The following ARHGEF18 variants were observed in gnomAD, a reference collection of about 807,000 sequenced individuals.
ARHGEF18 encodes rho guanine nucleotide exchange factor 18.
In ARHGEF18, 93 loss-of-function variants were observed where a neutral mutation model predicts 155.7. The ratio of observed to expected loss-of-function variants is 0.60; its 90% CI spans 0.50 to 0.71. ARHGEF18 has a LOEUF of 0.71. Among genes scored for constraint, ARHGEF18 ranks in the 30% least tolerant of loss-of-function variants. ARHGEF18 has a pLI of 0.00. For missense variants in ARHGEF18, 1,593 were observed against 1,816.1 expected, an observed-to-expected ratio of 0.88 and a Z score of 2.23; for synonymous variants, 742 against 753.1, an observed-to-expected ratio of 0.99 and a Z score of 0.24.
intron 3 of ARHGEF18, among the ~76,000 whole-genome samples, chr19:7,375,411 AAAAGGAAGGAAG>A (rs1219708923): frequency 7.1e-5 from 7 of 98,510 alleles, no homozygotes; most frequent in East Asian, 4.6e-4. Flanking sequence ...AGGAAGGAAG[AAAAGGAAGGAAG>A]AAAGGAAGGA....
Position 7,404,183 on chromosome 19 carries a change from A to G in ARHGEF18, c.967+20980A>G, listed in dbSNP as rs146519293. Among the ~76,000 whole-genome samples, 523 of 152,208 alleles carry G rather than the reference A, an allele frequency of 3.4e-3. 1 individual carries two copies. The highest frequency in any genetic ancestry group is 0.012 in the African/African-American group (497 of 41,554). On this transcript the variant is annotated intron_variant, in intron 10 of 28. Transcript: ENST00000668164. ...TCTGTAAGAAGAAATGTGAAGGAAT[A>G]GTAAGGAGCACCTTGCCAGAGGCAG...
At chr19:7,355,777 C>T (rs1373487204) in intron 1 of ARHGEF18, 2 of 942,562 alleles carry the variant, frequency 2.1e-6, no homozygotes, top group Non-Finnish European at 2.5e-6. Flanking sequence ...CCGCCATCCC[C>T]CTTCGAGCTT....
intron 10 of ARHGEF18, among the ~76,000 whole-genome samples, chr19:7,427,020 G>T (rs1973705418): frequency 6.6e-6 from 1 of 152,164 alleles, no homozygotes; most frequent in Admixed American, 6.6e-5. Flanking sequence ...GCACTTTGGG[G>T]TTAGAGGTGA....
At position 7,445,658 on chromosome 19, in the gene ARHGEF18, C is replaced by T. The variant is rs183564493; in HGVS notation, c.1611+1204C>T. Among the ~76,000 whole-genome samples the T allele has an allele frequency of 1.6e-4, 24 of 152,200 alleles. No homozygotes were observed. The East Asian group carries it at 2.9e-3, about 18-fold the overall frequency. The stretch of plus-strand genomic sequence containing the variant: ...TTTTTGAGACAAAGTCTCACTCTGT[C>T]GCCCAGGCTGGAGTGCAGTGGTGCA... On this transcript the variant is annotated intron_variant, in intron 14 of 28. Coordinates refer to ENST00000668164, the MANE Select transcript of ARHGEF18 (RefSeq NM_001367823.1).
chr19:7,415,384 C>T (rs1383873048), intron 10 of ARHGEF18, among the ~76,000 whole-genome samples: 4 of 152,248 alleles, frequency 2.6e-5, no homozygotes, highest in African/African-American at 4.8e-5. Flanking sequence ...CCCTCTCTGC[C>T]ACTCTCCACC....
chr19:7,440,359 AC>A lies in ARHGEF18; in HGVS notation c.988del (p.Arg330GlyfsTer18). On this transcript the variant is annotated frameshift_variant, in exon 11 of 29. Transcript: ENST00000668164. LOFTEE classifies it high-confidence loss of function. The surrounding 1 kb of genome is among the most constrained non-coding windows in gnomAD (Gnocchi z 5.4). ...PFLSSASLKE[H>X]PRGTLLSDGS... ...TCTGTCACAGCCTCGCTCAAGGAGCACCCCCGGGGCACCCTCCTGTCCGATG... is the reference window on the plus strand; with the variant it reads ...TCTGTCACAGCCTCGCTCAAGGAGCACCCCGGGGCACCCTCCTGTCCGATG... The A allele has an allele frequency of 6.2e-7, 1 of 1,612,418 alleles. No individual in the cohort carries two copies.
At chr19:7,357,909 G>T (rs1262168568) in intron 1 of ARHGEF18, among the ~76,000 whole-genome samples, 1 of 152,084 alleles carries the variant, frequency 6.6e-6, no homozygotes, top group Non-Finnish European at 1.5e-5. Context: ...GATGAGTGCA[G>T]TCTGTGCCTC....
chr19:7,464,053 G>A (rs1211882891), intron 22 of ARHGEF18, 98 bp downstream of exon 22: 2 of 1,429,642 alleles, frequency 1.4e-6, no homozygotes, highest in Non-Finnish European at 1.9e-6. Context: ...TTTTGTTGTT[G>A]TTGAGACAGA....
At chr19:7,475,168 G>A (rs771119256), downstream of ARHGEF18, among the ~76,000 whole-genome samples, 51 of 152,182 alleles carry the variant, frequency 3.4e-4, no homozygotes, top group Admixed American at 7.9e-4. Context: ...GGAGGCGGAG[G>A]TTGCAGTGAG....
intron 10 of ARHGEF18, among the ~76,000 whole-genome samples, chr19:7,390,889 A>C (rs1157367828): frequency 6.6e-6 from 1 of 151,958 alleles, no homozygotes; most frequent in Non-Finnish European, 1.5e-5. Flanking sequence ...AAAATACAAA[A>C]ATTAGCTGGG....
chr19:7,385,774 C>A (rs1461090606), intron 10 of ARHGEF18, among the ~76,000 whole-genome samples: 1 of 150,656 alleles, frequency 6.6e-6, no homozygotes, highest in African/African-American at 2.5e-5. Flanking sequence ...CCGCGCCTGG[C>A]CTGTCACCTG....
At chr19:7,469,793 G>A (rs1393812733) in intron 27 of ARHGEF18, 111 bp from the exon 28 acceptor site, 95 of 1,348,244 alleles carry the variant, frequency 7.0e-5, no homozygotes, top group Middle Eastern at 3.9e-4. Context: ...CAGGCCGCCC[G>A]TGGGAAGTGT....
chr19:7,371,021 C>T (rs188537514), intron 2 of ARHGEF18, among the ~76,000 whole-genome samples: 4 of 152,138 alleles, frequency 2.6e-5, no homozygotes, highest in Admixed American at 2.0e-4. Flanking sequence ...AGTGATCCTC[C>T]CACCTCAGCC....
At chr19:7,358,245 C>CATCCATCCACT in intron 1 of ARHGEF18, among the ~76,000 whole-genome samples, 1 of 141,780 alleles carries the variant, frequency 7.1e-6, no homozygotes, top group Non-Finnish European at 1.5e-5. Context: ...ATCCATCCAC[C>CATCCATCCACT]CATCCACCCA....
chr19:7,360,668 T>C (rs1969509441), intron 1 of ARHGEF18, among the ~76,000 whole-genome samples: 1 of 152,220 alleles, frequency 6.6e-6, no homozygotes, highest in Non-Finnish European at 1.5e-5. Context: ...AAGCCAACCC[T>C]GCAGGCTCTC....
Position 7,451,196 on chromosome 19 carries a change from C to T in ARHGEF18, c.1785C>T (p.Cys595=). 2 of 1,581,198 alleles carry T rather than the reference C, an allele frequency of 1.3e-6. No individual in the cohort carries two copies. Among genetic ancestry groups the T allele is most frequent in the South Asian group, 2.2e-5 (2 of 89,950 alleles). ...TGCGGCGGCTTGGCGTGCAGGAGTG[C>T]ATTCTCCTGGTTACACAACGCATAA... ...SIVRRLGVQE[C]ILLVTQRITK... Residue 595 remains cysteine, a synonymous_variant, in exon 16 of 29, where the codon TGC becomes TGT. Coordinates refer to ENST00000668164, the MANE Select transcript of ARHGEF18 (RefSeq NM_001367823.1).
intron 10 of ARHGEF18, among the ~76,000 whole-genome samples, chr19:7,434,040 A>G (rs1483178438): frequency 6.7e-6 from 1 of 150,158 alleles, no homozygotes; most frequent in African/African-American, 2.5e-5. Context: ...AAAAAAAAGA[A>G]AAAAAAAGTA....
chr19:7,475,778 G>A (rs926947894), downstream of ARHGEF18, among the ~76,000 whole-genome samples: 1 of 152,224 alleles, frequency 6.6e-6, no homozygotes, highest in African/African-American at 2.4e-5. Context: ...CCACTGGTAT[G>A]AGCTAGTAAG....
intron 10 of ARHGEF18, among the ~76,000 whole-genome samples, chr19:7,383,870 G>C (rs1970863876): frequency 6.6e-6 from 1 of 151,990 alleles, no homozygotes; most frequent in Admixed American, 6.6e-5. Context: ...TCCATAGCAG[G>C]TCGTTTTCTG....
Sources: gnomAD v4.1 joint callset for allele counts (sites outside exome capture counted in the v4.1 genomes callset) on GRCh38, gnomAD v4.1.1 for gene constraint, Gnocchi (gnomAD v3.1) non-coding constraint, MANE v1.5 for transcripts, NCBI Gene and HGNC (gene_info 2026-07-23, HGNC 2026-07-21) for gene names.